The following CHD9 variants were observed in gnomAD, a reference collection of about 807,000 sequenced individuals.
CHD9 encodes the protein chromodomain helicase DNA binding protein 9, also known as ATP-dependent chromatin remodeler CHD9.
A neutral mutation model predicts 316.1 loss-of-function variants in CHD9; 77 were observed. That is an observed-to-expected ratio of 0.24 (90% confidence interval 0.20 to 0.29). The LOEUF (loss-of-function observed/expected upper bound fraction) is 0.29. CHD9 is among the 10% of genes least tolerant of loss of function. The pLI is 1.00. For synonymous variants in CHD9, 1,129 were observed against 1,158.3 expected (o/e 0.97, Z 0.51); for missense variants, 2,763 against 3,438.1 (o/e 0.80, Z 4.91).
intron 38 of CHD9, among the ~76,000 whole-genome samples, chr16:53,323,449 T>C (rs575329269): frequency 2.0e-5 from 3 of 152,296 alleles, no homozygotes; most frequent in South Asian, 2.1e-4. Flanking sequence ...GTAGCATAGA[T>C]TGTTTTCTGT....
intron 30 of CHD9, 81 bp from the exon 31 acceptor site, chr16:53,303,639 T>C: frequency 1.0e-6 from 1 of 991,066 alleles, no homozygotes; most frequent in Non-Finnish European, 1.4e-6. Context: ...GTTATAAATA[T>C]ATAAAGATGT....
chr16:53,276,081 C>G (rs1052517050), intron 24 of CHD9, among the ~76,000 whole-genome samples: 2 of 152,196 alleles, frequency 1.3e-5, no homozygotes, highest in Non-Finnish European at 1.5e-5. Context: ...TTAACACTTA[C>G]TCACTAGCCA....
At chr16:53,262,372 C>T (rs974378343) in intron 19 of CHD9, among the ~76,000 whole-genome samples, 60 of 151,992 alleles carry the variant, frequency 3.9e-4, no homozygotes, top group African/African-American at 1.4e-3. Context: ...ACAGTATTTA[C>T]GAAAATAAAT....
At chr16:53,244,917 A>C (rs950343351) in intron 13 of CHD9, among the ~76,000 whole-genome samples, 18 of 152,076 alleles carry the variant, frequency 1.2e-4, no homozygotes, top group African/African-American at 4.3e-4. Context: ...GCCCGAGACC[A>C]GCTGGGTAAC....
intron 1 of CHD9, among the ~76,000 whole-genome samples, chr16:53,073,416 C>T (rs767318698): frequency 3.3e-5 from 5 of 152,234 alleles, no homozygotes; most frequent in Non-Finnish European, 2.9e-5. Context: ...TACCTCTTGA[C>T]TGTTGTGAAT....
intron 1 of CHD9, among the ~76,000 whole-genome samples, chr16:53,128,249 C>A (rs1474550229): frequency 6.6e-6 from 1 of 152,098 alleles, no homozygotes; most frequent in African/African-American, 2.4e-5. Context: ...ATGGCGCCAT[C>A]TCAACTCAGT....
chr16:53,319,774 T>C, intron 37 of CHD9: 1 of 1,196,662 alleles, frequency 8.4e-7, no homozygotes, highest in South Asian at 1.4e-5. Context: ...GTTCCTTAAT[T>C]TGTAGAGTTT....
At chr16:53,237,445 C>T (rs753000902) in intron 11 of CHD9, among the ~76,000 whole-genome samples, 1 of 152,108 alleles carries the variant, frequency 6.6e-6, no homozygotes, top group Non-Finnish European at 1.5e-5. Context: ...TGAAGAGTTC[C>T]AGTAATTTCC....
intron 13 of CHD9, among the ~76,000 whole-genome samples, chr16:53,244,368 ATTT>A (rs989611580): frequency 6.6e-6 from 1 of 151,388 alleles, no homozygotes; most frequent in African/African-American, 2.4e-5. Context: ...AATTTTTTGT[ATTT>A]TTAGTAGAGA....
intron 1 of CHD9, among the ~76,000 whole-genome samples, chr16:53,063,254 C>T (rs1169661941): frequency 2.0e-5 from 3 of 151,660 alleles, no homozygotes; most frequent in Non-Finnish European, 1.5e-5. Context: ...AATAACGTGC[C>T]CAAAGTTATA....
intron 8 of CHD9, among the ~76,000 whole-genome samples, chr16:53,230,139 T>A (rs1202650421): frequency 6.6e-6 from 1 of 152,184 alleles, no homozygotes; most frequent in Non-Finnish European, 1.5e-5. Context: ...TTCGTCATGA[T>A]CCAGGTTAGG....
intron 1 of CHD9, among the ~76,000 whole-genome samples, chr16:53,132,099 T>C (rs917377317): frequency 7.3e-6 from 1 of 136,930 alleles, no homozygotes; most frequent in African/African-American, 2.8e-5. Context: ...TAAAAAAAAT[T>C]TTTTTTGGGG....
intron 2 of CHD9, among the ~76,000 whole-genome samples, chr16:53,184,796 G>A (rs2043842689): frequency 6.6e-6 from 1 of 152,032 alleles, no homozygotes; most frequent in South Asian, 2.1e-4. Context: ...TGAATCACAG[G>A]GGCAGTTTCC....
At chr16:53,176,141 T>G (rs892190629) in intron 2 of CHD9, among the ~76,000 whole-genome samples, 1 of 152,220 alleles carries the variant, frequency 6.6e-6, no homozygotes, top group Non-Finnish European at 1.5e-5. Flanking sequence ...TGGACTAAAA[T>G]CAAGATGTCA....
Position 53,169,418 on chromosome 16 carries a change from G to C in CHD9, c.1452+11877G>C, listed in dbSNP as rs77471861. On this transcript the variant is annotated intron_variant, in intron 2 of 38. Coordinates refer to ENST00000447540, the MANE Select transcript of CHD9 (RefSeq NM_001308319.2). ...TTTTTGTTATGTTACAAGAAAAAAG[G>C]TAGCTCCAAGTCAGCTTAAACAATA... is the stretch of plus-strand genomic sequence containing the variant. 663 of 152,166 alleles carry C rather than the reference G, an allele frequency of 4.4e-3. 7 individuals are homozygous for C. The highest frequency in any genetic ancestry group is 0.015 in the African/African-American group (618 of 41,518). 9.4% of individuals were successfully genotyped at this position (152,166 alleles called of 1,614,324 possible).
chr16:53,151,223 C>T (rs968418116), intron 1 of CHD9, among the ~76,000 whole-genome samples: 1 of 130,216 alleles, frequency 7.7e-6, no homozygotes, highest in Admixed American at 7.8e-5. Context: ...CCCCCCCTCC[C>T]CTCCCTTTCC....
At chr16:53,290,961 G>A (rs1384252962) in intron 27 of CHD9, among the ~76,000 whole-genome samples, 1 of 152,166 alleles carries the variant, frequency 6.6e-6, no homozygotes, top group East Asian at 1.9e-4. Flanking sequence ...GAAGCACTAT[G>A]AAGAGATAGC....
At chr16:53,094,424 G>T (rs566198313) in intron 1 of CHD9, among the ~76,000 whole-genome samples, 1 of 152,054 alleles carries the variant, frequency 6.6e-6, no homozygotes, top group East Asian at 1.9e-4. Flanking sequence ...TGGCTGGGCC[G>T]GGGTGTTTCC....
At chr16:53,221,016 C>T (rs1252639198) in intron 3 of CHD9, among the ~76,000 whole-genome samples, 1 of 152,200 alleles carries the variant, frequency 6.6e-6, no homozygotes, top group Non-Finnish European at 1.5e-5. Flanking sequence ...TGCTAACCCC[C>T]ACTTTGGCAT....
Sources: allele counts gnomAD v4.1 joint callset (sites outside exome capture counted in the v4.1 genomes callset), GRCh38; gene constraint gnomAD v4.1.1; transcripts MANE v1.5; gene names NCBI Gene and HGNC (gene_info 2026-07-23, HGNC 2026-07-21).